Variants in TMEM63C observed in about 807,000 individuals in gnomAD.
TMEM63C encodes osmosensitive cation channel TMEM63C.
In TMEM63C, 32 loss-of-function variants were observed where a neutral mutation model predicts 99.2. That is an observed-to-expected ratio of 0.32 (90% confidence interval 0.24 to 0.43). The LOEUF is 0.43. Among genes scored for constraint, TMEM63C ranks in the 20% least tolerant of loss-of-function variants. The probability of loss-of-function intolerance (pLI) is 1.00; values close to 1 mark genes in which losing one functional copy is unlikely to be tolerated. For synonymous variants in TMEM63C, 376 were observed against 397.9 expected, an observed-to-expected ratio of 0.94 and a Z score of 0.66; for missense variants, 826 against 1,053.0, an observed-to-expected ratio of 0.78 and a Z score of 2.98.
At chr14:77,239,849 A>C (rs1693722198) in intron 12 of TMEM63C, 123 bp downstream of exon 12, 9 of 1,344,732 alleles carry the variant, frequency 6.7e-6, no homozygotes, top group Non-Finnish European at 7.9e-6. Flanking sequence ...AGTGCTCCCC[A>C]CCCAGCTCCT....
At chr14:77,255,139 T>C (rs1181911485) in intron 23 of TMEM63C, among the ~76,000 whole-genome samples, 2 of 152,136 alleles carry the variant, frequency 1.3e-5, no homozygotes, top group African/African-American at 4.8e-5. Flanking sequence ...TACAGGCACA[T>C]GCCATCACAC....
intron 2 of TMEM63C, among the ~76,000 whole-genome samples, chr14:77,215,935 C>G (rs968952518): frequency 3.3e-5 from 5 of 152,242 alleles, no homozygotes; most frequent in Admixed American, 1.3e-4. Flanking sequence ...TTTTTGCCCA[C>G]TGGCTCCAAT....
intron 9 of TMEM63C, among the ~76,000 whole-genome samples, chr14:77,237,286 G>A (rs1451112074): frequency 1.3e-5 from 2 of 152,056 alleles, no homozygotes; most frequent in Non-Finnish European, 2.9e-5. Context: ...GCCCACCCCT[G>A]CTAGGCCCGT....
At position 77,246,132 on chromosome 14, in the gene TMEM63C, C is replaced by T. The variant is rs2287382; in HGVS notation, c.1535+106C>T. The stretch of plus-strand genomic sequence containing the variant: ...TGCCTGTGATTGCTGCAAACCCACT[C>T]CTCAAAGACAGCCCCATGCCTGTCA... On this transcript the variant is annotated intron_variant, in intron 17 of 23. Coordinates refer to ENST00000298351, the MANE Select transcript of TMEM63C (RefSeq NM_020431.4). 1.2e-3 allele frequency: 1,084 copies of T among 890,708 alleles called. 23 individuals carry two copies. In the East Asian group the frequency reaches 0.026, roughly 21 times the overall value. The allele number at this position is 890,708 out of a possible 1,614,324, so 55.2% of individuals were successfully genotyped here. A position where few individuals can be genotyped will look rare whatever the true frequency, so the allele number is the denominator to read the frequency against.
At chr14:77,194,845 G>C (rs572454534) in intron 1 of TMEM63C, among the ~76,000 whole-genome samples, 1 of 151,818 alleles carries the variant, frequency 6.6e-6, no homozygotes, top group Non-Finnish European at 1.5e-5. Context: ...GCCTCCCAAA[G>C]TGCTAGGATT....
At chr14:77,217,118 C>T (rs977912017) in intron 2 of TMEM63C, among the ~76,000 whole-genome samples, 10 of 151,918 alleles carry the variant, frequency 6.6e-5, no homozygotes, top group South Asian at 2.1e-4. Context: ...ATTGTGCCAC[C>T]GTGACAGAGT....
chr14:77,242,588 C>A, intron 14 of TMEM63C, 119 bp downstream of exon 14: 1 of 1,340,508 alleles, frequency 7.5e-7, no homozygotes, highest in Non-Finnish European at 1.0e-6. Context: ...GGACTAAGTT[C>A]CATGCTCTCC....
Position 77,231,682 on chromosome 14 carries a change from C to T in TMEM63C, c.445C>T (p.Pro149Ser). The part of the protein sequence containing the change: ...LIIFVLIICI[P>S]SLGIILPINY... ...CATCTTTGTGCTCATCATCTGTATCCCCTCCCTGGGCATCATTTTGCCCAT... is the reference window on the plus strand; with the variant it reads ...CATCTTTGTGCTCATCATCTGTATCTCCTCCCTGGGCATCATTTTGCCCAT... The change falls in exon 7 of 24, where the codon CCC (proline) becomes TCC (serine). Residue 149 changes from proline (P) to serine (S), a missense_variant. By Grantham distance (74) the Pro-to-Ser change is moderately conservative. Coordinates refer to ENST00000298351, the MANE Select transcript of TMEM63C (RefSeq NM_020431.4). 6.4e-7 allele frequency: 1 copy of T among 1,551,668 alleles called. No individual in the cohort carries two copies. Among genetic ancestry groups the T allele is most frequent in the Non-Finnish European group, 8.7e-7 (1 of 1,147,006 alleles).
intron 1 of TMEM63C, among the ~76,000 whole-genome samples, chr14:77,201,654 C>T (rs578115247): frequency 4.6e-5 from 7 of 152,154 alleles, no homozygotes; most frequent in Admixed American, 6.5e-5. Context: ...CAGGGCCCAG[C>T]GATCTGTGAT....
intron 1 of TMEM63C, among the ~76,000 whole-genome samples, chr14:77,198,463 G>A (rs61991597): frequency 0.098 from 14,982 of 152,238 alleles, 1,115 homozygotes; most frequent in African/African-American, 0.22. Flanking sequence ...TGTGAAATGC[G>A]GAGGATAACA....
In TMEM63C at chr14:77,251,825, C is replaced by T; in HGVS notation, c.2075C>T (p.Thr692Ile). 6.2e-7 allele frequency: 1 copy of T among 1,614,002 alleles called. No individual in the cohort carries two copies. Among genetic ancestry groups the T allele is most frequent in the Non-Finnish European group, 8.5e-7 (1 of 1,179,890 alleles). Residue 692 changes from threonine (T) to isoleucine (I), a missense_variant, in exon 22 of 24, where the codon ACC (threonine) becomes ATC (isoleucine). Coordinates refer to ENST00000298351, the MANE Select transcript of TMEM63C (RefSeq NM_020431.4). Reference sequence around the variant, plus strand: ...GCCATCACCATCTTTTCCCTGTCCACCCTCCTCATTGCCATGGTGATTGCC... The same window carrying T: ...GCCATCACCATCTTTTCCCTGTCCATCCTCCTCATTGCCATGGTGATTGCC... ...LHAITIFSLS[T>I]LLIAMVIAFV...
Position 77,242,277 on chromosome 14 carries a change from C to A in TMEM63C, c.1065-70C>A. The A allele has an allele frequency of 2.6e-6, 4 of 1,561,584 alleles. No homozygotes were observed. The South Asian group carries it at 4.7e-5, about 18-fold the overall frequency. ...CACCATAGTGGCCCTGAGCTCCTGG[C>A]ATGAGACCCTCCTAAGCCCATCCCC... On this transcript the variant is annotated intron_variant, in intron 13 of 23. Coordinates refer to ENST00000298351, the MANE Select transcript of TMEM63C (RefSeq NM_020431.4).
chr14:77,246,289 A>G (rs1360746098), intron 17 of TMEM63C, among the ~76,000 whole-genome samples: 2 of 152,260 alleles, frequency 1.3e-5, no homozygotes, highest in African/African-American at 4.8e-5. Context: ...ACATGGGAAC[A>G]ACACAGCCAA....
chr14:77,191,140 C>T (rs912904200), intron 1 of TMEM63C, among the ~76,000 whole-genome samples: 6 of 152,102 alleles, frequency 3.9e-5, no homozygotes, highest in African/African-American at 1.4e-4. Context: ...GCTAAAATAA[C>T]CAGTACTAAG....
rs2287376 is a variant in TMEM63C, at chr14:77,219,897, G to A, written c.231-109G>A. 2.3e-3 allele frequency: 2,339 copies of A among 1,019,528 alleles called. 69 individuals carry two copies. In the East Asian group the frequency reaches 0.058, roughly 25 times the overall value. 63.2% of individuals were successfully genotyped at this position (1,019,528 alleles called of 1,614,324 possible). A position where few individuals can be genotyped will look rare whatever the true frequency, so the allele number is the denominator to read the frequency against. ...CAAAGGAGCTGAGGAGCGCCTGCCCGTGGCAGAGCAGAGGGCAGCCCTCAG... is the reference window on the plus strand; with the variant it reads ...CAAAGGAGCTGAGGAGCGCCTGCCCATGGCAGAGCAGAGGGCAGCCCTCAG... On this transcript the variant is annotated intron_variant, in intron 4 of 23. Coordinates refer to ENST00000298351, the MANE Select transcript of TMEM63C (RefSeq NM_020431.4).
intron 19 of TMEM63C, 103 bp from the exon 20 acceptor site, chr14:77,248,664 C>G: frequency 6.7e-7 from 1 of 1,496,546 alleles, no homozygotes; most frequent in Non-Finnish European, 9.3e-7. Context: ...GGAAAGGAGG[C>G]TGCCTCCAGG....
rs1888636584 is a variant in TMEM63C at position 77,218,713 on chromosome 14, C to T, written c.-13-88C>T. Reference sequence around the variant, plus strand: ...CCTAGCCTGGCCGAGGCACTCGGTGCCCATCCCACAACTCCCCATCGGGCT... The same window carrying T: ...CCTAGCCTGGCCGAGGCACTCGGTGTCCATCCCACAACTCCCCATCGGGCT... On this transcript the variant is annotated intron_variant, in intron 2 of 23. Coordinates refer to ENST00000298351, the MANE Select transcript of TMEM63C (RefSeq NM_020431.4). 3 of 1,408,240 alleles carry T rather than the reference C, an allele frequency of 2.1e-6. No homozygotes were observed. In the East Asian group the frequency reaches 7.4e-5, roughly 35 times the overall value. 87.2% of individuals were successfully genotyped at this position (1,408,240 alleles called of 1,614,324 possible).
Position 77,256,819 on chromosome 14 carries a change from C to A in TMEM63C, c.*93C>A. The A allele has an allele frequency of 8.3e-7, 1 of 1,204,414 alleles. No individual in the cohort carries two copies. The highest frequency in any genetic ancestry group is 1.2e-6 in the Non-Finnish European group (1 of 851,130). The allele number at this position is 1,204,414 out of a possible 1,614,324, so 74.6% of individuals were successfully genotyped here. On this transcript the variant is annotated 3_prime_UTR_variant, in exon 24 of 24. Transcript: ENST00000298351. The stretch of plus-strand genomic sequence containing the variant: ...GAGGGTGGCCTGGACCTCCCCACTA[C>A]CTCCTGCAGACTTTGAGAAGCCCAC...
At chr14:77,220,918 G>GCCCCA in intron 5 of TMEM63C, among the ~76,000 whole-genome samples, 1 of 23,008 alleles carries the variant, frequency 4.3e-5, no homozygotes, top group African/African-American at 1.1e-4. Context: ...TCCCACTCAC[G>GCCCCA]CCTCCTCTCC....
Sources: gnomAD v4.1 joint callset for allele counts (sites outside exome capture counted in the v4.1 genomes callset) on GRCh38, gnomAD v4.1.1 for gene constraint, MANE v1.5 for transcripts, NCBI Gene and HGNC (gene_info 2026-07-23, HGNC 2026-07-21) for gene names.